The following ASIC2 variants were observed in gnomAD, a reference collection of about 807,000 sequenced individuals.
ASIC2 encodes acid sensing ion channel subunit 2.
Under a neutral mutation model 57.3 loss-of-function variants are expected in ASIC2, and 25 were observed. The ratio of observed to expected loss-of-function variants is 0.44; its 90% CI spans 0.32 to 0.61. The LOEUF (loss-of-function observed/expected upper bound fraction) is 0.61, where lower values mean the gene tolerates loss of function less well. ASIC2 is among the 20% of genes least tolerant of loss of function. ASIC2 has a pLI of 0.06. For synonymous variants in ASIC2, 319 were observed against 307.5 expected, an observed-to-expected ratio of 1.04 and a Z score of -0.39; for missense variants, 641 against 738.1, an observed-to-expected ratio of 0.87 and a Z score of 1.52.
At chr17:33,019,447 G>C (rs901226618) in intron 7 of ASIC2, among the ~76,000 whole-genome samples, 6 of 152,006 alleles carry the variant, frequency 3.9e-5, no homozygotes, top group African/African-American at 1.5e-4. Context: ...GTAGAGGTGT[G>C]CATTTGTGTG....
intron 1 of ASIC2, among the ~76,000 whole-genome samples, chr17:33,421,523 G>A (rs1028463333): frequency 2.0e-5 from 3 of 152,224 alleles, no homozygotes; most frequent in Non-Finnish European, 4.4e-5. Context: ...GTTTTTCAGT[G>A]AAGAAGTCCC....
intron 1 of ASIC2, among the ~76,000 whole-genome samples, chr17:33,563,417 A>T (rs1017488742): frequency 6.6e-6 from 1 of 152,178 alleles, no homozygotes; most frequent in Non-Finnish European, 1.5e-5. Context: ...CTCATTCCCA[A>T]CCCTGGCTCC....
intron 1 of ASIC2, among the ~76,000 whole-genome samples, chr17:33,397,365 T>C (rs1486366792): frequency 6.6e-6 from 1 of 152,206 alleles, no homozygotes; most frequent in Non-Finnish European, 1.5e-5. Flanking sequence ...GTCCATTTCT[T>C]TGTCTGTCTT....
chr17:33,502,603 C>T (rs924078800), intron 1 of ASIC2, among the ~76,000 whole-genome samples: 1 of 152,162 alleles, frequency 6.6e-6, no homozygotes, highest in Non-Finnish European at 1.5e-5. Flanking sequence ...TCATTGTCAA[C>T]GACTGGAGTA....
intron 1 of ASIC2, among the ~76,000 whole-genome samples, chr17:33,501,135 C>T (rs894756843): frequency 6.6e-6 from 1 of 152,242 alleles, no homozygotes; most frequent in Admixed American, 6.5e-5. Context: ...CCTTGTCTGT[C>T]ACTGAGTTAC....
At chr17:34,087,136 G>A (rs1456756441) in intron 1 of ASIC2, among the ~76,000 whole-genome samples, 7 of 151,962 alleles carry the variant, frequency 4.6e-5, no homozygotes, top group Non-Finnish European at 5.9e-5. Context: ...TCCTCGTCTC[G>A]ATGGTCTTTA....
intron 1 of ASIC2, among the ~76,000 whole-genome samples, chr17:33,518,469 C>T (rs1020513869): frequency 6.6e-6 from 1 of 152,176 alleles, no homozygotes; most frequent in Non-Finnish European, 1.5e-5. Flanking sequence ...GGCTGGGGCA[C>T]CATGAGCACT....
At chr17:33,070,139 A>G (rs1174513411) in intron 3 of ASIC2, among the ~76,000 whole-genome samples, 1 of 152,140 alleles carries the variant, frequency 6.6e-6, no homozygotes, top group African/African-American at 2.4e-5. Flanking sequence ...GAATTTTCCA[A>G]TGGTATTCTC....
intron 1 of ASIC2, among the ~76,000 whole-genome samples, chr17:33,113,425 G>T (rs1567749708): frequency 6.6e-6 from 1 of 152,170 alleles, no homozygotes; most frequent in Admixed American, 6.5e-5. Context: ...AATTACATCT[G>T]GCAAAATTGG....
intron 1 of ASIC2, among the ~76,000 whole-genome samples, chr17:33,441,747 C>A (rs567708005): frequency 6.6e-6 from 1 of 152,136 alleles, no homozygotes; most frequent in Non-Finnish European, 1.5e-5. Context: ...AAGTTCCCCC[C>A]AGTTTATTAT....
At chr17:33,412,994 T>C (rs1910717089) in intron 1 of ASIC2, among the ~76,000 whole-genome samples, 1 of 152,192 alleles carries the variant, frequency 6.6e-6, no homozygotes, top group East Asian at 1.9e-4. Context: ...TCTGTGCTCT[T>C]ACTTGTTCCC....
Position 33,185,098 on chromosome 17 carries a change from A to G in ASIC2, c.709-73031T>C, listed in dbSNP as rs372865836. Among the ~76,000 whole-genome samples the G allele has an allele frequency of 1.4e-4, 21 of 152,360 alleles. No homozygotes were observed. The South Asian group carries it at 4.1e-3, about 30-fold the overall frequency. ...AATGAAACAAAACTACAATAATAAC[A>G]GAAGCGTCAATGGAACTCAGACTGA... On this transcript the variant is annotated intron_variant, in intron 1 of 9. Transcript: ENST00000225823.
intron 1 of ASIC2, among the ~76,000 whole-genome samples, chr17:33,172,301 C>T (rs1489538931): frequency 1.3e-5 from 2 of 152,256 alleles, no homozygotes; most frequent in East Asian, 3.9e-4. Flanking sequence ...TGAGTGGGTG[C>T]AATATTTTCC....
At chr17:34,089,278 T>C (rs571670301) in intron 1 of ASIC2, among the ~76,000 whole-genome samples, 28 of 152,298 alleles carry the variant, frequency 1.8e-4, no homozygotes, top group Non-Finnish European at 2.8e-4. Flanking sequence ...CAAGGGTAGA[T>C]AGAAGTTTTG....
chr17:33,539,931 G>A (rs1915354992), intron 1 of ASIC2, among the ~76,000 whole-genome samples: 1 of 152,228 alleles, frequency 6.6e-6, no homozygotes, highest in Non-Finnish European at 1.5e-5. Context: ...GGCAGGGACA[G>A]CGGAGTGTTC....
intron 1 of ASIC2, among the ~76,000 whole-genome samples, chr17:33,924,239 G>A (rs981094910): frequency 6.6e-6 from 1 of 152,202 alleles, no homozygotes; most frequent in African/African-American, 2.4e-5. Flanking sequence ...GTGAGGAACA[G>A]CCCAGCGTGC....
chr17:33,429,557 A>G (rs531051670), intron 1 of ASIC2, among the ~76,000 whole-genome samples: 1 of 151,980 alleles, frequency 6.6e-6, no homozygotes, highest in African/African-American at 2.4e-5. Context: ...TGCCCAGCTA[A>G]TTGTTTGTAT....
intron 1 of ASIC2, among the ~76,000 whole-genome samples, chr17:33,246,957 C>A (rs1908712923): frequency 6.6e-6 from 1 of 152,034 alleles, no homozygotes; most frequent in Non-Finnish European, 1.5e-5. Context: ...TAAGAGCCAA[C>A]AACAAGAAGA....
intron 1 of ASIC2, among the ~76,000 whole-genome samples, chr17:33,528,084 G>A (rs1256043124): frequency 2.0e-5 from 3 of 151,814 alleles, no homozygotes; most frequent in Non-Finnish European, 4.4e-5. Flanking sequence ...AGGTGTCAGG[G>A]CCAGTAAGTG....
Sources: allele counts gnomAD v4.1 joint callset (sites outside exome capture counted in the v4.1 genomes callset), GRCh38; gene constraint gnomAD v4.1.1; transcripts MANE v1.5; gene names NCBI Gene and HGNC (gene_info 2026-07-23, HGNC 2026-07-21).